The following PSD2 variants were observed in gnomAD, a reference collection of about 807,000 sequenced individuals.
PSD2 encodes PH and SEC7 domain-containing protein 2.
Under a neutral mutation model 69.8 loss-of-function variants are expected in PSD2, and 38 were observed. That is an observed-to-expected ratio of 0.54 (90% CI 0.42 to 0.71). The LOEUF (loss-of-function observed/expected upper bound fraction) is 0.71. Among genes scored for constraint, PSD2 ranks in the 30% least tolerant of loss-of-function variants. PSD2 has a pLI of 0.00. For synonymous variants in PSD2, 412 were observed against 423.0 expected (o/e 0.97, Z 0.32); for missense variants, 943 against 1,014.5 (o/e 0.93, Z 0.96).
intron 9 of PSD2, 31 bp downstream of exon 9, chr5:139,835,797 G>A (rs1211861229): frequency 3.1e-6 from 5 of 1,608,412 alleles, no homozygotes; most frequent in African/African-American, 1.3e-5. Context: ...CAGGTATGGG[G>A]AGCATACATC....
the PSD2 span, among the ~76,000 whole-genome samples, chr5:139,781,644 T>A: frequency 3.3e-5 from 5 of 149,650 alleles, no homozygotes; most frequent in Non-Finnish European, 7.4e-5. Flanking sequence ...CTTTTTTTTT[T>A]TTATTTTGAG....
At chr5:139,798,000 C>A (rs1415368838) in intron 1 of PSD2, among the ~76,000 whole-genome samples, 2 of 150,954 alleles carry the variant, frequency 1.3e-5, no homozygotes, top group Non-Finnish European at 3.0e-5. Context: ...CCATTCCGGA[C>A]GTTGGCTTGC....
intron 8 of PSD2, 56 bp downstream of exon 8, chr5:139,833,847 G>A (rs1180003668): frequency 7.6e-7 from 1 of 1,315,932 alleles, no homozygotes; most frequent in Non-Finnish European, 1.1e-6. Context: ...GGATAGAGAG[G>A]AGAGAGGTCT....
the PSD2 span, among the ~76,000 whole-genome samples, chr5:139,766,912 CCTTCCTTCCTTCCTTCCCTTCTTTCTT>C: frequency 1.9e-4 from 12 of 64,844 alleles, 1 homozygote; most frequent in South Asian, 6.7e-4. Context: ...TCCCTCCCTT[CCTTCCTTCCTTCCTTCCCTTCTTTCTT>C]TCTTTCTTTC....
At chr5:139,778,299 C>G in the PSD2 span, among the ~76,000 whole-genome samples, 1 of 152,170 alleles carries the variant, frequency 6.6e-6, no homozygotes, top group Non-Finnish European at 1.5e-5. Flanking sequence ...CATTAAGGCC[C>G]CCCAAGAACT....
upstream of PSD2, among the ~76,000 whole-genome samples, chr5:139,795,555 C>A (rs1407052247): frequency 6.6e-6 from 1 of 152,064 alleles, no homozygotes; most frequent in Middle Eastern, 3.2e-3. The surrounding 1 kb of genome is among the most constrained non-coding windows in gnomAD (Gnocchi z 4.5). Flanking sequence ...GGCAGAACCC[C>A]GGGCGCTCCC....
At position 139,816,729 on chromosome 5, in the gene PSD2, C is replaced by T. The variant is rs542846175; in HGVS notation, c.1017-752C>T. Among the ~76,000 whole-genome samples, 33 of 152,358 alleles carry T rather than the reference C, an allele frequency of 2.2e-4. No individual in the cohort carries two copies. In the South Asian group the frequency reaches 5.4e-3, roughly 25 times the overall value. On this transcript the variant is annotated intron_variant, in intron 4 of 14. Coordinates refer to ENST00000274710, the MANE Select transcript of PSD2 (RefSeq NM_032289.4). Reference sequence around the variant, plus strand: ...CTGGCTGCTGCTTCTCAGCCTCCTTCGCTGGCTCGCTCCTGGGTTCCCACC... The same window carrying T: ...CTGGCTGCTGCTTCTCAGCCTCCTTTGCTGGCTCGCTCCTGGGTTCCCACC...
intron 7 of PSD2, among the ~76,000 whole-genome samples, chr5:139,829,272 C>T (rs1041716546): frequency 6.6e-6 from 1 of 152,152 alleles, no homozygotes; most frequent in Non-Finnish European, 1.5e-5. Context: ...TTACAATGTT[C>T]TATATGTGCC....
intron 1 of PSD2, among the ~76,000 whole-genome samples, chr5:139,801,065 C>G (rs1311324309): frequency 3.9e-5 from 6 of 151,944 alleles, no homozygotes; most frequent in African/African-American, 1.5e-4. Flanking sequence ...ATTAACCAGG[C>G]ATGGTGGTGG....
the PSD2 span, among the ~76,000 whole-genome samples, chr5:139,748,746 G>T: frequency 6.6e-6 from 1 of 152,264 alleles, no homozygotes; most frequent in Non-Finnish European, 1.5e-5. Context: ...GGCAATGCTC[G>T]TCTGTCTCGG....
chr5:139,761,282 C>G, the PSD2 span, among the ~76,000 whole-genome samples: 1 of 152,204 alleles, frequency 6.6e-6, no homozygotes, highest in Non-Finnish European at 1.5e-5. Context: ...GTCACTTGCT[C>G]AATGTCACTA....
chr5:139,775,169 A>C, the PSD2 span: 1 of 152,372 alleles, frequency 6.6e-6, no homozygotes, highest in African/African-American at 2.4e-5. Flanking sequence ...TTTGGAGACA[A>C]GGCCTTGAGG....
At chr5:139,795,597 G>A (rs1759498278), upstream of PSD2, among the ~76,000 whole-genome samples, 1 of 152,030 alleles carries the variant, frequency 6.6e-6, no homozygotes, top group Non-Finnish European at 1.5e-5. This position sits in a 1 kb window ranked among gnomAD's most constrained non-coding sequence, Gnocchi z 4.5. Flanking sequence ...CCCGCGCGGG[G>A]CAGAGGGGGA....
At chr5:139,789,887 A>G in the PSD2 span, among the ~76,000 whole-genome samples, 2 of 152,038 alleles carry the variant, frequency 1.3e-5, no homozygotes, top group South Asian at 4.2e-4. Context: ...GAATTTTAGT[A>G]GAGTGGTCAG....
intron 2 of PSD2, 90 bp from the exon 3 acceptor site, chr5:139,813,219 G>A: frequency 9.0e-7 from 1 of 1,107,590 alleles, no homozygotes. Context: ...TGTGCCCCCA[G>A]GGGGCTCCCA....
At chr5:139,771,904 C>G in the PSD2 span, among the ~76,000 whole-genome samples, 1 of 152,178 alleles carries the variant, frequency 6.6e-6, no homozygotes, top group Admixed American at 6.5e-5. Flanking sequence ...CAACCCCTTC[C>G]AAGGGCAGGG....
chr5:139,834,703 AC>A (rs1471878339), intron 8 of PSD2, among the ~76,000 whole-genome samples: 3 of 152,024 alleles, frequency 2.0e-5, no homozygotes, highest in Admixed American at 6.5e-5. Context: ...GTTCCATAGA[AC>A]ATTGTCTCCA....
At chr5:139,842,150 T>C in intron 14 of PSD2, 121 bp from the exon 15 acceptor site, 1 of 746,528 alleles carries the variant, frequency 1.3e-6, no homozygotes, top group African/African-American at 1.8e-5. Context: ...CTGTTCATCT[T>C]CTTTTTAATG....
chr5:139,815,850 T>C (rs1471217683), intron 4 of PSD2, among the ~76,000 whole-genome samples: 2 of 151,720 alleles, frequency 1.3e-5, no homozygotes, highest in East Asian at 3.9e-4. Context: ...AAAAATTAGC[T>C]GGGCGCTGTG....
Sources: gnomAD v4.1 joint callset for allele counts (sites outside exome capture counted in the v4.1 genomes callset) on GRCh38, gnomAD v4.1.1 for gene constraint, Gnocchi (gnomAD v3.1) non-coding constraint, MANE v1.5 for transcripts, NCBI Gene and HGNC (gene_info 2026-07-23, HGNC 2026-07-21) for gene names.